The following MPP3 variants were observed in gnomAD, a reference collection of about 807,000 sequenced individuals.
MPP3 encodes MAGUK p55 scaffold protein 3, also known as MAGUK p55 subfamily member 3.
MPP3 carries 48 observed loss-of-function variants against 80.7 expected under a neutral mutation model. That is an observed-to-expected ratio of 0.59 (90% confidence interval 0.47 to 0.76). The LOEUF is 0.76. Among genes scored for constraint, MPP3 ranks in the 30% least tolerant of loss-of-function variants. The pLI is 0.00. For missense variants in MPP3, 620 were observed against 763.0 expected (o/e 0.81, Z 2.21); for synonymous variants, 311 against 297.6 (o/e 1.04, Z -0.46).
intron 12 of MPP3, among the ~76,000 whole-genome samples, chr17:43,817,120 G>C (rs948562817): frequency 6.6e-6 from 1 of 152,224 alleles, no homozygotes; most frequent in Non-Finnish European, 1.5e-5. Context: ...GTGGAGCAGA[G>C]CTGCAGGCCA....
chr17:43,827,857 G>A (rs2045789520), intron 7 of MPP3, 25 bp from the exon 8 acceptor site: 1 of 1,610,814 alleles, frequency 6.2e-7, no homozygotes, highest in African/African-American at 1.3e-5. Context: ...GAAGAGACAG[G>A]TTCTTAAGCA....
intron 2 of MPP3, 111 bp downstream of exon 2, chr17:43,832,650 C>G (rs886163613): frequency 6.6e-6 from 1 of 152,456 alleles, no homozygotes; most frequent in African/African-American, 2.4e-5. Flanking sequence ...ATTCCGCAAA[C>G]ATGGAGCCAG....
chr17:43,810,761 T>C (rs1169096425), intron 18 of MPP3, 46 bp downstream of exon 18: 1 of 1,333,394 alleles, frequency 7.5e-7, no homozygotes, highest in South Asian at 1.3e-5. Context: ...ATCCCCTAGT[T>C]ATAAATTCCG....
rs769495466 is a variant in MPP3, at chr17:43,816,657, C to T, written c.967+20G>A. The T allele has an allele frequency of 1.9e-6, 3 of 1,568,388 alleles. No individual in the cohort carries two copies. The highest frequency in any genetic ancestry group is 1.4e-5 in the African/African-American group (1 of 73,950). ...GAAAAGGGGCCACGCCTGTGGACAG[C>T]GGATAGATACTGGGCCTACCTTTGT... On this transcript the variant is annotated intron_variant, in intron 13 of 19. Coordinates refer to ENST00000398389, the MANE Select transcript of MPP3 (RefSeq NM_001932.6).
At chr17:43,804,210 C>A (rs1448823634) in intron 19 of MPP3, among the ~76,000 whole-genome samples, 1 of 152,096 alleles carries the variant, frequency 6.6e-6, no homozygotes, top group African/African-American at 2.4e-5. Flanking sequence ...AACAAATGGG[C>A]AGATTGATCC....
chr17:43,825,784 T>C lies in MPP3; in HGVS notation c.581A>G (p.Lys194Arg), dbSNP rs1803480011. ...AATCTGGCTGATCTCGTCGGGCCGC[T>C]TGTGCAGGACTGCGATCCCGTTCAC... is the stretch of plus-strand genomic sequence containing the variant. ...REVNGIAVLHKRPDEISQILA... is the reference protein window; with the variant it reads ...REVNGIAVLHRRPDEISQILA... Residue 194 changes from lysine to arginine, a missense_variant, in exon 9 of 20, where the codon AAG becomes AGG. Physicochemically the swap from Lys to Arg is conservative, Grantham distance 26 (BLOSUM62 2). Coordinates refer to ENST00000398389, the MANE Select transcript of MPP3 (RefSeq NM_001932.6). 11 of 1,613,510 alleles carry C rather than the reference T, an allele frequency of 6.8e-6. No homozygotes were observed. Among genetic ancestry groups the C allele is most frequent in the Non-Finnish European group, 9.3e-6 (11 of 1,179,446 alleles).
intron 16 of MPP3, among the ~76,000 whole-genome samples, chr17:43,812,310 G>T (rs2044900544): frequency 6.6e-6 from 1 of 152,200 alleles, no homozygotes; most frequent in Non-Finnish European, 1.5e-5. Context: ...GGTATGCCCT[G>T]TGTTCTTTCT....
At chr17:43,824,458 T>C (rs1177801256) in intron 9 of MPP3, among the ~76,000 whole-genome samples, 1 of 152,162 alleles carries the variant, frequency 6.6e-6, no homozygotes, top group Non-Finnish European at 1.5e-5. Context: ...GGCTGGTCTC[T>C]GATTAATACT....
chr17:43,821,754 T>G (rs1476499696), intron 10 of MPP3, among the ~76,000 whole-genome samples: 1 of 152,172 alleles, frequency 6.6e-6, no homozygotes, highest in Non-Finnish European at 1.5e-5. Context: ...ATTTCTATTT[T>G]CAGACCATTA....
In MPP3 at chr17:43,825,543, G is replaced by A. The variant is rs2045654443; in HGVS notation, c.609+213C>T. The A allele has an allele frequency of 1.3e-5, 7 of 542,174 alleles. No homozygotes were observed. In the South Asian group the frequency reaches 1.5e-4, roughly 12 times the overall value. The allele number at this position is 542,174 out of a possible 1,614,324, so 33.6% of individuals were successfully genotyped here. On this transcript the variant is annotated intron_variant, in intron 9 of 19. Transcript: ENST00000398389. ...GAAGGAAGGCTGTGCTGAGGAGAAG[G>A]TCTAAGAGAGGCAGATGGAAGGGAA...
At position 43,814,275 on chromosome 17, in the gene MPP3, G is replaced by T. The variant is rs2045007242; in HGVS notation, c.1096C>A (p.Pro366Thr). Residue 366 changes from proline to threonine, a missense_variant, in exon 15 of 20, where the codon CCG (proline) becomes ACG (threonine). Coordinates refer to ENST00000398389, the MANE Select transcript of MPP3 (RefSeq NM_001932.6). ...ACCTCTTCGTAAGTCAGCAGCTCCG[G>T]AGACTCAGCTCCGGAGGACATCTTT... ...EGKMSSGAES[P>T]ELLTYEEVAR... The T allele has an allele frequency of 1.9e-6, 3 of 1,613,142 alleles. No individual in the cohort carries two copies. The highest frequency in any genetic ancestry group is 2.5e-6 in the Non-Finnish European group (3 of 1,180,002).
At chr17:43,829,834 ACAGGGTCAG>A in intron 6 of MPP3, 43 bp from the exon 7 acceptor site, 1 of 1,612,330 alleles carries the variant, frequency 6.2e-7, no homozygotes. Flanking sequence ...CCCGCCGCTC[ACAGGGTCAG>A]CAGGCCGCAG....
chr17:43,826,884 A>G lies in MPP3; in HGVS notation c.523+867T>C, dbSNP rs541644305. On this transcript the variant is annotated intron_variant, in intron 8 of 19. Coordinates refer to ENST00000398389, the MANE Select transcript of MPP3 (RefSeq NM_001932.6). ...ACGGTCTCACTGCGTCGCCCACTCT[A>G]GAGTGTAGTGGTGTAATCACGGCTC... is the stretch of plus-strand genomic sequence containing the variant. Among the ~76,000 whole-genome samples, 29 of 143,600 alleles carry G rather than the reference A, an allele frequency of 2.0e-4. No homozygotes were observed. The South Asian group carries it at 6.1e-3, about 30-fold the overall frequency. The allele number at this position is 143,600 out of a possible 152,430, so 94.2% of individuals were successfully genotyped here.
intron 8 of MPP3, among the ~76,000 whole-genome samples, chr17:43,827,327 TTC>T (rs2045755344): frequency 7.0e-6 from 1 of 143,570 alleles, no homozygotes; most frequent in Admixed American, 6.9e-5. Context: ...TTTTTTTTTT[TTC>T]TTTTTTTTTT....
chr17:43,803,504 G>A (rs567496415), intron 19 of MPP3, among the ~76,000 whole-genome samples: 4 of 152,084 alleles, frequency 2.6e-5, no homozygotes, highest in Non-Finnish European at 4.4e-5. Flanking sequence ...TGTGCTGTCC[G>A]TCACCCCCAG....
At chr17:43,830,393 C>T (rs2045908938) in intron 5 of MPP3, among the ~76,000 whole-genome samples, 1 of 152,192 alleles carries the variant, frequency 6.6e-6, no homozygotes, top group South Asian at 2.1e-4. Context: ...GGTCTTGTTA[C>T]TTTGCCATTT....
intron 9 of MPP3, chr17:43,825,469 C>T: frequency 3.1e-6 from 1 of 318,926 alleles, no homozygotes; most frequent in East Asian, 6.0e-5. Context: ...GGATTCACAC[C>T]CAGGACCCAG....
chr17:43,829,834 A>T, intron 6 of MPP3, 43 bp from the exon 7 acceptor site: 2 of 1,612,330 alleles, frequency 1.2e-6, no homozygotes, highest in Non-Finnish European at 1.7e-6. Flanking sequence ...CCCGCCGCTC[A>T]CAGGGTCAGC....
chr17:43,829,380 G>A (rs1038579632), intron 7 of MPP3, among the ~76,000 whole-genome samples: 1 of 152,208 alleles, frequency 6.6e-6, no homozygotes, highest in Non-Finnish European at 1.5e-5. Context: ...GCTGTAGTTT[G>A]TCCATTTCTG....
Sources: gnomAD v4.1 joint callset for allele counts (sites outside exome capture counted in the v4.1 genomes callset) on GRCh38, gnomAD v4.1.1 for gene constraint, MANE v1.5 for transcripts, NCBI Gene and HGNC (gene_info 2026-07-23, HGNC 2026-07-21) for gene names.